The following ERBB4 variants were observed in gnomAD, a reference collection of about 807,000 sequenced individuals.
The protein encoded by ERBB4 is receptor tyrosine-protein kinase erbB-4.
ERBB4 carries 42 observed loss-of-function variants against 158.0 expected under a neutral mutation model. The ratio of observed to expected loss-of-function variants is 0.27; its 90% CI spans 0.21 to 0.34. The LOEUF (loss-of-function observed/expected upper bound fraction) is 0.34, where lower values mean the gene tolerates loss of function less well. ERBB4 is among the 10% of genes least tolerant of loss of function. The pLI is 1.00. For synonymous variants in ERBB4, 583 were observed against 558.7 expected, an observed-to-expected ratio of 1.04 and a Z score of -0.61; for missense variants, 1,333 against 1,624.1, an observed-to-expected ratio of 0.82 and a Z score of 3.08.
chr2:212,240,452 G>A (rs2084042502), intron 1 of ERBB4, among the ~76,000 whole-genome samples: 1 of 151,742 alleles, frequency 6.6e-6, no homozygotes, highest in Non-Finnish European at 1.5e-5. Context: ...CCAACATGGT[G>A]AAACCCTGTC....
At chr2:211,850,059 C>T (rs1473493575) in intron 3 of ERBB4, among the ~76,000 whole-genome samples, 1 of 151,948 alleles carries the variant, frequency 6.6e-6, no homozygotes, top group African/African-American at 2.4e-5. Context: ...TATCTTCCAT[C>T]CAACCTTCTA....
At chr2:211,886,396 G>C (rs1450485281) in intron 3 of ERBB4, among the ~76,000 whole-genome samples, 1 of 152,008 alleles carries the variant, frequency 6.6e-6, no homozygotes, top group Non-Finnish European at 1.5e-5. Context: ...ATAATGCATG[G>C]TACATGGAAG....
At chr2:211,425,839 T>C (rs1022085302) in intron 22 of ERBB4, among the ~76,000 whole-genome samples, 3 of 151,986 alleles carry the variant, frequency 2.0e-5, no homozygotes, top group African/African-American at 4.8e-5. Flanking sequence ...TGAGCCACCA[T>C]GCCTGGCTGA....
At chr2:212,347,657 T>C (rs1284962490) in intron 1 of ERBB4, among the ~76,000 whole-genome samples, 2 of 152,136 alleles carry the variant, frequency 1.3e-5, no homozygotes, top group African/African-American at 4.8e-5. Context: ...TTTTACCAGT[T>C]GAGGATCCCA....
Position 211,619,234 on chromosome 2 carries a change from C to T in ERBB4, c.2244G>A (p.Val748=). 6.2e-7 allele frequency: 1 copy of T among 1,612,684 alleles called. No homozygotes were observed. Among genetic ancestry groups the T allele is most frequent in the Non-Finnish European group, 8.5e-7 (1 of 1,178,988 alleles). The part of the protein sequence containing the change: ...VPEGETVKIP[V]AIKILNETTG... The stretch of plus-strand genomic sequence containing the variant: ...TTGTCTCATTAAGAATCTTAATAGC[C>T]ACAGGAATCTTCACAGTTTCTCCTT... Residue 748 remains valine (V), a synonymous_variant, in exon 19 of 28, where the codon GTG becomes GTA. Transcript: ENST00000342788.
chr2:211,574,865 T>C (rs1307717394), intron 19 of ERBB4, among the ~76,000 whole-genome samples: 3 of 152,208 alleles, frequency 2.0e-5, no homozygotes, highest in Non-Finnish European at 4.4e-5. Context: ...CATACTGTGG[T>C]CCCTCTGAAG....
chr2:211,578,252 T>C (rs1326540854), intron 19 of ERBB4, among the ~76,000 whole-genome samples: 1 of 151,944 alleles, frequency 6.6e-6, no homozygotes, highest in Admixed American at 6.6e-5. Flanking sequence ...ACAAGGGAAG[T>C]GAAGGACCTC....
At chr2:211,759,806 A>AGTGTGTGT (rs67981670) in intron 4 of ERBB4, among the ~76,000 whole-genome samples, 66 of 150,046 alleles carry the variant, frequency 4.4e-4, no homozygotes, top group African/African-American at 1.5e-3. Context: ...CATTTTCTAG[A>AGTGTGTGT]GTGTGTGTGT....
intron 1 of ERBB4, among the ~76,000 whole-genome samples, chr2:212,476,742 TA>T (rs1010468786): frequency 7.2e-5 from 11 of 152,112 alleles, no homozygotes; most frequent in African/African-American, 2.7e-4. Flanking sequence ...AAAAGTTTTA[TA>T]ACTATGCAAC....
At chr2:212,178,563 G>A (rs990260097) in intron 1 of ERBB4, among the ~76,000 whole-genome samples, 2 of 151,584 alleles carry the variant, frequency 1.3e-5, no homozygotes, top group Admixed American at 1.3e-4. Context: ...ATGTATTAGA[G>A]GTAGTACTGA....
chr2:211,943,105 T>G (rs935545279), intron 3 of ERBB4, among the ~76,000 whole-genome samples: 1 of 152,120 alleles, frequency 6.6e-6, no homozygotes, highest in African/African-American at 2.4e-5. Flanking sequence ...GAAAGATTCC[T>G]TTATATCTAC....
At chr2:211,576,215 C>T (rs1004979865) in intron 19 of ERBB4, among the ~76,000 whole-genome samples, 3 of 152,108 alleles carry the variant, frequency 2.0e-5, no homozygotes, top group African/African-American at 7.2e-5. Flanking sequence ...CTGCTAGTGC[C>T]TTTGTTTCAG....
chr2:212,223,205 C>T (rs1195576910), intron 1 of ERBB4, among the ~76,000 whole-genome samples: 5 of 151,082 alleles, frequency 3.3e-5, no homozygotes, highest in Non-Finnish European at 5.9e-5. Flanking sequence ...CATCTGATCC[C>T]ATTTACTAGT....
intron 1 of ERBB4, among the ~76,000 whole-genome samples, chr2:212,524,827 A>G (rs531212932): frequency 1.3e-5 from 2 of 152,176 alleles, no homozygotes; most frequent in East Asian, 3.9e-4. Context: ...ATTTTAAAAC[A>G]CTTATGGAAA....
chr2:211,793,274 T>C (rs781733986), intron 3 of ERBB4, among the ~76,000 whole-genome samples: 5 of 152,044 alleles, frequency 3.3e-5, no homozygotes, highest in African/African-American at 9.6e-5. Context: ...AACCATATGA[T>C]ATAAGAAGGA....
At chr2:211,817,129 A>T (rs2076895567) in intron 3 of ERBB4, among the ~76,000 whole-genome samples, 1 of 152,166 alleles carries the variant, frequency 6.6e-6, no homozygotes, top group Non-Finnish European at 1.5e-5. Flanking sequence ...GTCCATCCTC[A>T]AACAGTCACG....
intron 5 of ERBB4, among the ~76,000 whole-genome samples, chr2:211,748,482 C>T (rs980376866): frequency 6.6e-6 from 1 of 152,128 alleles, no homozygotes; most frequent in African/African-American, 2.4e-5. Flanking sequence ...AACAACACAA[C>T]AGCAGGGTGT....
intron 25 of ERBB4, among the ~76,000 whole-genome samples, chr2:211,395,618 G>GACAA (rs34017203): frequency 0.96 from 146,106 of 151,992 alleles, 70,249 homozygotes; most frequent in African/African-American, 0.99. Flanking sequence ...TTAATTTTAA[G>GACAA]ACAGATATTA....
chr2:212,531,511 T>C (rs1395642205), intron 1 of ERBB4, among the ~76,000 whole-genome samples: 1 of 152,184 alleles, frequency 6.6e-6, no homozygotes, highest in Non-Finnish European at 1.5e-5. Context: ...AAATTATCAT[T>C]TCATGTCATA....
Sources: gnomAD v4.1 joint callset for allele counts (sites outside exome capture counted in the v4.1 genomes callset) on GRCh38, gnomAD v4.1.1 for gene constraint, MANE v1.5 for transcripts, NCBI Gene and HGNC (gene_info 2026-07-23, HGNC 2026-07-21) for gene names.